GRIN2A: variants seen among roughly 807,000 people sequenced by gnomAD.
GRIN2A encodes the protein glutamate receptor ionotropic, NMDA 2A.
Under a neutral mutation model 113.4 loss-of-function variants are expected in GRIN2A, and 22 were observed. That is an observed-to-expected ratio of 0.19 (90% CI 0.14 to 0.28). The LOEUF (loss-of-function observed/expected upper bound fraction) is 0.28. GRIN2A is among the 10% of genes least tolerant of loss of function. The probability of loss-of-function intolerance (pLI) is 1.00; values close to 1 mark genes in which losing one functional copy is unlikely to be tolerated. For synonymous variants in GRIN2A, 827 were observed against 738.4 expected (o/e 1.12, Z -1.94); for missense variants, 1,502 against 1,887.0 (o/e 0.80, Z 3.78).
intron 10 of GRIN2A, among the ~76,000 whole-genome samples, chr16:9,815,242 G>A (rs1357658287): frequency 1.3e-5 from 2 of 151,814 alleles, no homozygotes; most frequent in East Asian, 1.9e-4. Flanking sequence ...TTGGTAAAAA[G>A]ACAATACTCC....
chr16:10,122,832 C>T lies in GRIN2A; in HGVS notation c.414+57166G>A, dbSNP rs144843069. ...TACACAATATCAATCATCATCTATG[C>T]AACCACTCATTATTTTGACTCAAAC... On this transcript the variant is annotated intron_variant, in intron 2 of 12. Transcript: ENST00000330684. Among the ~76,000 whole-genome samples, 87 of 152,218 alleles carry T rather than the reference C, an allele frequency of 5.7e-4. 1 individual carries two copies. In the East Asian group the frequency reaches 8.9e-3, roughly 16 times the overall value.
At chr16:10,073,298 A>T (rs1318629211) in intron 2 of GRIN2A, among the ~76,000 whole-genome samples, 1 of 152,122 alleles carries the variant, frequency 6.6e-6, no homozygotes, top group East Asian at 1.9e-4. Flanking sequence ...CTAGGGAAAG[A>T]TGGAAAGTGC....
At chr16:9,814,658 T>G (rs1234454122) in intron 10 of GRIN2A, among the ~76,000 whole-genome samples, 1 of 152,166 alleles carries the variant, frequency 6.6e-6, no homozygotes, top group Non-Finnish European at 1.5e-5. Context: ...CATTTCTCAA[T>G]AGTCAACTAA....
chr16:10,000,045 CTGT>C (rs1210742168), intron 2 of GRIN2A, among the ~76,000 whole-genome samples: 1 of 152,092 alleles, frequency 6.6e-6, no homozygotes, highest in Non-Finnish European at 1.5e-5. Flanking sequence ...TATTCCACCT[CTGT>C]TTCCTCTACC....
rs1900445809 is a variant in GRIN2A at position 9,758,404 on chromosome 16, A to C, written c.*4745T>G. 4.5e-6 allele frequency: 1 copy of C among 222,934 alleles called. No homozygotes were observed. Among genetic ancestry groups the C allele is most frequent in the African/African-American group, 2.2e-5 (1 of 44,770 alleles). The allele number at this position is 222,934 out of a possible 1,614,324, so 13.8% of individuals were successfully genotyped here. A position where few individuals can be genotyped will look rare whatever the true frequency, so the allele number is the denominator to read the frequency against. ...TAAAGAAGGGGCCAAGAACGCCAAC[A>C]CCCATATTCTACTTAGGCTCTGTCA... On this transcript the variant is annotated 3_prime_UTR_variant, in exon 13 of 13. Transcript: ENST00000330684.
At chr16:10,112,598 G>C (rs2048639740) in intron 2 of GRIN2A, 2 of 770,206 alleles carry the variant, frequency 2.6e-6, no homozygotes, top group South Asian at 1.3e-5. Context: ...ACAGGGTGCA[G>C]CTCAAGAAGT....
chr16:9,939,815 C>T (rs2044818388), intron 2 of GRIN2A, among the ~76,000 whole-genome samples: 1 of 151,998 alleles, frequency 6.6e-6, no homozygotes, highest in Non-Finnish European at 1.5e-5. Context: ...GGACATGGTG[C>T]AAAAATGCCA....
chr16:9,930,790 C>G (rs937499314), intron 3 of GRIN2A, among the ~76,000 whole-genome samples: 19 of 152,200 alleles, frequency 1.2e-4, no homozygotes, highest in African/African-American at 4.3e-4. Flanking sequence ...AGGTTTAGCA[C>G]AGTCTCTTAA....
At chr16:10,054,660 G>T (rs1040361645) in intron 2 of GRIN2A, among the ~76,000 whole-genome samples, 1 of 152,140 alleles carries the variant, frequency 6.6e-6, no homozygotes, top group African/African-American at 2.4e-5. Context: ...TACATCCATA[G>T]GGTGGATATT....
At chr16:9,890,728 A>T (rs2043676355) in intron 4 of GRIN2A, among the ~76,000 whole-genome samples, 1 of 152,190 alleles carries the variant, frequency 6.6e-6, no homozygotes, top group Non-Finnish European at 1.5e-5. Context: ...AATTATCCTT[A>T]GTTCAGACCT....
intron 2 of GRIN2A, among the ~76,000 whole-genome samples, chr16:10,039,009 G>C (rs13337506): frequency 0.014 from 2,066 of 152,072 alleles, 57 homozygotes; most frequent in African/African-American, 0.047. Context: ...CCAAACAGCA[G>C]CAAATTCACT....
At chr16:9,858,506 G>A (rs760120546) in intron 4 of GRIN2A, among the ~76,000 whole-genome samples, 9 of 151,990 alleles carry the variant, frequency 5.9e-5, no homozygotes, top group Non-Finnish European at 1.2e-4. Context: ...GCCTTTGAGT[G>A]TTTTCAGAAA....
At chr16:9,885,522 C>G (rs2043570561) in intron 4 of GRIN2A, among the ~76,000 whole-genome samples, 1 of 152,214 alleles carries the variant, frequency 6.6e-6, no homozygotes, top group South Asian at 2.1e-4. Flanking sequence ...CACCAGCCAC[C>G]TACAAAGGCC....
chr16:9,991,406 T>A (rs558252457), intron 2 of GRIN2A, among the ~76,000 whole-genome samples: 10 of 152,336 alleles, frequency 6.6e-5, no homozygotes, highest in African/African-American at 2.4e-4. Context: ...CAATCATGGT[T>A]CTTTTAAAAA....
chr16:9,965,245 A>G (rs951185897), intron 2 of GRIN2A, among the ~76,000 whole-genome samples: 37 of 152,220 alleles, frequency 2.4e-4, no homozygotes, highest in African/African-American at 8.9e-4. Flanking sequence ...GCTAGAACAG[A>G]TTCCTCTCCT....
At chr16:9,961,076 C>CA (rs1445297277) in intron 2 of GRIN2A, among the ~76,000 whole-genome samples, 3 of 152,168 alleles carry the variant, frequency 2.0e-5, no homozygotes, top group Non-Finnish European at 4.4e-5. Context: ...AGCAAGCATT[C>CA]AATATATGTA....
At position 9,753,517 on chromosome 16, in the gene GRIN2A, A is replaced by T. The variant is rs114596802; in HGVS notation, c.*9632T>A. 1,726 of 203,830 alleles carry T rather than the reference A, an allele frequency of 8.5e-3. 39 individuals are homozygous for T. Among genetic ancestry groups the T allele is most frequent in the African/African-American group, 0.038 (1,650 of 43,810 alleles). 12.6% of individuals were successfully genotyped at this position (203,830 alleles called of 1,614,324 possible). The stretch of plus-strand genomic sequence containing the variant: ...GCACTTCTGTTGCCTCAGGAGTTAT[A>T]TACATATCAGTTTGCACACGAATTT... On this transcript the variant is annotated 3_prime_UTR_variant, in exon 13 of 13. Coordinates refer to ENST00000330684, the MANE Select transcript of GRIN2A (RefSeq NM_001134407.3).
At chr16:9,931,081 G>T (rs919225304) in intron 3 of GRIN2A, among the ~76,000 whole-genome samples, 1 of 152,076 alleles carries the variant, frequency 6.6e-6, no homozygotes, top group Non-Finnish European at 1.5e-5. Flanking sequence ...ACTCTCCTGG[G>T]ATAAGACTTT....
chr16:9,819,158 C>T lies in GRIN2A; in HGVS notation c.2168+3106G>A, dbSNP rs2042236213. Among the ~76,000 whole-genome samples the T allele has an allele frequency of 3.3e-5, 5 of 152,128 alleles. No homozygotes were observed. The South Asian group carries it at 1.0e-3, about 32-fold the overall frequency. ...GATGAGGAATAGTGTGCAGGGAAAA[C>T]TTTTCACTGTTTTTTTCTTTTTATG... On this transcript the variant is annotated intron_variant, in intron 10 of 12. Coordinates refer to ENST00000330684, the MANE Select transcript of GRIN2A (RefSeq NM_001134407.3).
Sources: allele counts gnomAD v4.1 joint callset (sites outside exome capture counted in the v4.1 genomes callset), GRCh38; gene constraint gnomAD v4.1.1; transcripts MANE v1.5; gene names NCBI Gene and HGNC (gene_info 2026-07-23, HGNC 2026-07-21).